LARP4B: variants seen among roughly 807,000 people sequenced by gnomAD.
LARP4B encodes the protein La ribonucleoprotein 4B.
In LARP4B, 12 loss-of-function variants were observed where a neutral mutation model predicts 89.8. The observed-to-expected ratio is 0.13, with a 90% CI of 0.09 to 0.22. The LOEUF (loss-of-function observed/expected upper bound fraction) is 0.22, where lower values mean the gene tolerates loss of function less well. LARP4B is among the 10% of genes least tolerant of loss of function. LARP4B has a pLI of 1.00. For missense variants in LARP4B, 757 were observed against 947.7 expected (o/e 0.80, Z 2.64); for synonymous variants, 367 against 363.3 (o/e 1.01, Z -0.12).
chr10:978,151 T>C, the LARP4B span, among the ~76,000 whole-genome samples: 24 of 152,332 alleles, frequency 1.6e-4, no homozygotes, highest in Non-Finnish European at 3.2e-4. Context: ...ATTTAGTCTT[T>C]TCCTTATCAA....
chr10:943,144 G>A, the LARP4B span, among the ~76,000 whole-genome samples: 1 of 151,910 alleles, frequency 6.6e-6, no homozygotes, highest in African/African-American at 2.4e-5. Flanking sequence ...ACAGGGTTTC[G>A]TCATGTTGCC....
At chr10:848,212 A>G (rs1178840674) in intron 5 of LARP4B, among the ~76,000 whole-genome samples, 1 of 151,830 alleles carries the variant, frequency 6.6e-6, no homozygotes, top group African/African-American at 2.4e-5. Context: ...TGCCTCGGTG[A>G]TAGGAACAGG....
At chr10:986,037 G>T in the LARP4B span, 1 of 152,108 alleles carries the variant, frequency 6.6e-6, no homozygotes, top group Non-Finnish European at 1.5e-5. Flanking sequence ...GCACTCATAG[G>T]ACCCTCTAAG....
At chr10:842,141 T>C (rs1479123051) in intron 7 of LARP4B, among the ~76,000 whole-genome samples, 2 of 152,094 alleles carry the variant, frequency 1.3e-5, no homozygotes, top group Non-Finnish European at 2.9e-5. Context: ...CCACACTTAA[T>C]GCTTAAACAC....
chr10:849,364 G>A (rs541501734), intron 5 of LARP4B, among the ~76,000 whole-genome samples: 1 of 152,306 alleles, frequency 6.6e-6, no homozygotes, highest in East Asian at 1.9e-4. Flanking sequence ...TGTTGATGGG[G>A]CATGTCAAAG....
the LARP4B span, among the ~76,000 whole-genome samples, chr10:968,580 C>T: frequency 1.4e-5 from 2 of 146,166 alleles, no homozygotes; most frequent in African/African-American, 5.6e-5. Context: ...TCACTGAGGA[C>T]GGAGACTGAC....
the LARP4B span, among the ~76,000 whole-genome samples, chr10:980,934 C>T: frequency 6.6e-6 from 1 of 152,230 alleles, no homozygotes; most frequent in Non-Finnish European, 1.5e-5. Context: ...ACTCTGCTTC[C>T]TGTTTAAATG....
Position 845,000 on chromosome 10 carries a change from T to C in LARP4B, c.486A>G (p.Lys162=). 1 of 1,611,930 alleles carries C rather than the reference T, an allele frequency of 6.2e-7. No individual in the cohort carries two copies. ...ACCTAGATAAGCAGAATTCCAATGT[T>C]TTTTTAAGTACTTCTCGGGGGTCTT... ...SQEDPREVLK[K]TLEFCLSREN... Residue 162 remains lysine (K), a synonymous_variant, in exon 6 of 18, where the codon AAA becomes AAG. Coordinates refer to ENST00000316157, the MANE Select transcript of LARP4B (RefSeq NM_015155.3).
chr10:907,972 G>A (rs1836540076), intron 1 of LARP4B, among the ~76,000 whole-genome samples: 1 of 152,184 alleles, frequency 6.6e-6, no homozygotes, highest in Non-Finnish European at 1.5e-5. Context: ...TTGGGAGGCC[G>A]AGGCAGGTGC....
intron 1 of LARP4B, among the ~76,000 whole-genome samples, chr10:891,263 G>A (rs1038585853): frequency 6.6e-6 from 1 of 152,106 alleles, no homozygotes; most frequent in Non-Finnish European, 1.5e-5. Context: ...GGAAAGTTTC[G>A]GAACTGGCTT....
At chr10:938,994 T>A in the LARP4B span, among the ~76,000 whole-genome samples, 1 of 152,210 alleles carries the variant, frequency 6.6e-6, no homozygotes, top group African/African-American at 2.4e-5. Flanking sequence ...GTGTGATGGG[T>A]ACAGGCAGGG....
chr10:833,249 TAAAAAAAAA>T (rs56788542), intron 8 of LARP4B, among the ~76,000 whole-genome samples: 9,605 of 52,266 alleles, frequency 0.18, 519 homozygotes, highest in Non-Finnish European at 0.22. Flanking sequence ...TGATGAGCTT[TAAAAAAAAA>T]AAAAAAAAAA....
At chr10:964,464 C>G in the LARP4B span, among the ~76,000 whole-genome samples, 3 of 151,760 alleles carry the variant, frequency 2.0e-5, no homozygotes, top group Non-Finnish European at 4.4e-5. Flanking sequence ...CCCCAGAAAT[C>G]TGTGGATTAG....
At chr10:925,253 T>C (rs1336358288) in intron 1 of LARP4B, among the ~76,000 whole-genome samples, 2 of 152,168 alleles carry the variant, frequency 1.3e-5, no homozygotes, top group African/African-American at 2.4e-5. Context: ...AAAAATCCTG[T>C]TGCCTTTCAT....
At chr10:848,566 T>TAAAAAA (rs71297917) in intron 5 of LARP4B, among the ~76,000 whole-genome samples, 1 of 143,434 alleles carries the variant, frequency 7.0e-6, no homozygotes, top group Non-Finnish European at 1.5e-5. Context: ...TAAAAGTTAT[T>TAAAAAA]AAAAAAAAAA....
In LARP4B at chr10:854,202, T is replaced by C. The variant is rs554792306; in HGVS notation, c.431-9147A>G. Among the ~76,000 whole-genome samples the C allele has an allele frequency of 2.0e-4, 31 of 152,320 alleles. No homozygotes were observed. In the South Asian group the frequency reaches 3.7e-3, roughly 18 times the overall value. ...ATTCCAGTTCTCTTCCTATTTCTAC[T>C]ACCTCTGCAGTGACTTTCTCCACTG... is the stretch of plus-strand genomic sequence containing the variant. On this transcript the variant is annotated intron_variant, in intron 5 of 17. Transcript: ENST00000316157.
chr10:831,651 AAACAC>A lies in LARP4B; in HGVS notation c.751-679_751-675del, dbSNP rs1041488600. ...ACCGGCCACAGTGGAAAACTCTCCTAAACACACAGGATAGCAGGGACAGTGCTCAG... is the reference window on the plus strand; with the variant it reads ...ACCGGCCACAGTGGAAAACTCTCCTAACAGGATAGCAGGGACAGTGCTCAG... On this transcript the variant is annotated intron_variant, in intron 8 of 17. Coordinates refer to ENST00000316157, the MANE Select transcript of LARP4B (RefSeq NM_015155.3). Among the ~76,000 whole-genome samples, 8 of 152,324 alleles carry A rather than the reference AAACAC, an allele frequency of 5.3e-5. No individual in the cohort carries two copies. The East Asian group carries it at 1.5e-3, about 29-fold the overall frequency.
At chr10:940,758 G>C in the LARP4B span, among the ~76,000 whole-genome samples, 1 of 152,136 alleles carries the variant, frequency 6.6e-6, no homozygotes, top group Admixed American at 6.5e-5. Context: ...GTGTGAGCTA[G>C]TCTCATCCTG....
rs903762145 is a variant in LARP4B at position 867,862 on chromosome 10, GAAAAAAAAAAA to G, written c.142-3603_142-3593del. On this transcript the variant is annotated intron_variant, in intron 3 of 17. Coordinates refer to ENST00000316157, the MANE Select transcript of LARP4B (RefSeq NM_015155.3). ...GGTGACAGAGCAAGACTCCATCCTT[GAAAAAAAAAAA>G]AAAAAAAAAAAAACTCCAGTGTCGT... Among the ~76,000 whole-genome samples, 8 of 43,356 alleles carry G rather than the reference GAAAAAAAAAAA, an allele frequency of 1.8e-4. 1 individual carries two copies. Among genetic ancestry groups the G allele is most frequent in the South Asian group, 8.2e-4 (1 of 1,224 alleles). 28.4% of individuals were successfully genotyped at this position (43,356 alleles called of 152,430 possible).
Sources: gnomAD v4.1 joint callset for allele counts (sites outside exome capture counted in the v4.1 genomes callset) on GRCh38, gnomAD v4.1.1 for gene constraint, MANE v1.5 for transcripts, NCBI Gene and HGNC (gene_info 2026-07-23, HGNC 2026-07-21) for gene names.